The following LIMA1 variants were observed in gnomAD, a reference collection of about 807,000 sequenced individuals.
LIMA1 encodes the protein LIM domain and actin-binding protein 1.
A neutral mutation model predicts 62.6 loss-of-function variants in LIMA1; 52 were observed. The observed-to-expected ratio is 0.83, with a 90% CI of 0.67 to 1.05. The LOEUF is 1.05. Among genes scored for constraint, LIMA1 ranks in the 50% least tolerant of loss-of-function variants. The pLI is 0.00. For synonymous variants in LIMA1, 302 were observed against 317.8 expected (o/e 0.95, Z 0.53); for missense variants, 780 against 902.2 (o/e 0.86, Z 1.74).
intron 2 of LIMA1, among the ~76,000 whole-genome samples, chr12:50,241,933 A>ATTTTTTTTTTTTTTTTTTTTTTTTTTT (rs577308413): frequency 5.5e-5 from 2 of 36,434 alleles, no homozygotes; most frequent in Non-Finnish European, 9.9e-5. Flanking sequence ...TCCTTCCCAG[A>ATTTTTTTTTTTTTTTTTTTTTTTTTTT]TTTTTTTTTT....
chr12:50,208,233 C>T (rs1338890474), intron 4 of LIMA1, among the ~76,000 whole-genome samples: 16 of 152,164 alleles, frequency 1.1e-4, no homozygotes, highest in Non-Finnish European at 1.6e-4. Context: ...CGCCTGTAAT[C>T]CCAGCACTTT....
chr12:50,281,795 G>A lies in LIMA1; in HGVS notation c.-24+1625C>T, dbSNP rs986204635. Among the ~76,000 whole-genome samples, 5 of 152,100 alleles carry A rather than the reference G, an allele frequency of 3.3e-5. 1 individual carries two copies. Among genetic ancestry groups the A allele is most frequent in the African/African-American group, 1.2e-4 (5 of 41,424 alleles). ...ATTACTCAGAGGTTTTTGTTTTTAA[G>A]GAAAAGCAGAAGAGAGAATTAAAAA... On this transcript the variant is annotated intron_variant, in intron 1 of 10. Coordinates refer to ENST00000341247, the MANE Select transcript of LIMA1 (RefSeq NM_016357.5).
chr12:50,213,057 G>C (rs1941285690), intron 4 of LIMA1, among the ~76,000 whole-genome samples: 1 of 151,900 alleles, frequency 6.6e-6, no homozygotes, highest in South Asian at 2.1e-4. Context: ...TCAAGTGCTG[G>C]GATTACAAGT....
intron 1 of LIMA1, among the ~76,000 whole-genome samples, chr12:50,263,012 T>G (rs1177949538): frequency 6.6e-6 from 1 of 152,200 alleles, no homozygotes; most frequent in Non-Finnish European, 1.5e-5. Flanking sequence ...ACTGCACTGA[T>G]TAATTCAATC....
chr12:50,203,609 C>T (rs1592516279), intron 6 of LIMA1, among the ~76,000 whole-genome samples: 1 of 152,028 alleles, frequency 6.6e-6, no homozygotes, highest in Non-Finnish European at 1.5e-5. Flanking sequence ...GATGGGGTTT[C>T]ACCACGTTAG....
intron 4 of LIMA1, among the ~76,000 whole-genome samples, chr12:50,218,529 C>T (rs1206235926): frequency 6.6e-6 from 1 of 152,178 alleles, no homozygotes; most frequent in Non-Finnish European, 1.5e-5. Flanking sequence ...CAAATGTAAA[C>T]ACTTCCCATG....
intron 1 of LIMA1, among the ~76,000 whole-genome samples, chr12:50,273,197 C>A (rs1485769283): frequency 6.6e-6 from 1 of 151,906 alleles, no homozygotes; most frequent in Admixed American, 6.6e-5. Flanking sequence ...TCAAGTGATC[C>A]GCCAGCCTTG....
rs754174575 is a variant in LIMA1, at chr12:50,222,411, C to A, written c.240G>T (p.Gly80=). Residue 80 remains glycine (G), a synonymous_variant, in exon 4 of 11, where the codon GGG becomes GGT. Coordinates refer to ENST00000341247, the MANE Select transcript of LIMA1 (RefSeq NM_016357.5). The part of the protein sequence containing the change: ...TVLKKKWENP[G]LGAESHTDSL... ...AGTCTGTGTGAGACTCTGCTCCCAG[C>A]CCTGGGTTCTCCCACTTCTTCTTTA... 6.2e-7 allele frequency: 1 copy of A among 1,614,158 alleles called. No individual in the cohort carries two copies. The highest frequency in any genetic ancestry group is 8.5e-7 in the Non-Finnish European group (1 of 1,180,028).
At chr12:50,206,852 C>T (rs759450587) in intron 4 of LIMA1, among the ~76,000 whole-genome samples, 1 of 152,162 alleles carries the variant, frequency 6.6e-6, no homozygotes, top group Non-Finnish European at 1.5e-5. Context: ...CTCTACTGCA[C>T]TGTAAGCTCA....
At chr12:50,193,838 G>C (rs1266793341) in intron 8 of LIMA1, among the ~76,000 whole-genome samples, 1 of 147,228 alleles carries the variant, frequency 6.8e-6, no homozygotes, top group African/African-American at 2.5e-5. Context: ...CTAAGTTTTG[G>C]TACTTTTGGT....
rs766222557 is a variant in LIMA1 at position 50,177,383 on chromosome 12, T to C, written c.1961A>G (p.Gln654Arg). The change falls in exon 11 of 11, where the codon CAA (glutamine) becomes CGA (arginine). Residue 654 changes from glutamine to arginine, a missense_variant. Transcript: ENST00000341247. ...TGTCTCTCCTTTAGATTCTTTGTTT[T>C]GCCAGGTTGTTTTTCCCACATTCCC... is the stretch of plus-strand genomic sequence containing the variant. The part of the protein sequence containing the change: ...KNGNVGKTTW[Q>R]NKESKGETGK... The C allele has an allele frequency of 4.3e-6, 7 of 1,614,236 alleles. No individual in the cohort carries two copies. In the South Asian group the frequency reaches 7.7e-5, roughly 18 times the overall value.
rs1456062048 is a variant in LIMA1, at chr12:50,213,482, T to C, written c.631-7414A>G. ...ACTTCTCTGACCTCATCTAATCGCATCTGTAAAATTGGGATTGTAAAGTTC... is the reference window on the plus strand; with the variant it reads ...ACTTCTCTGACCTCATCTAATCGCACCTGTAAAATTGGGATTGTAAAGTTC... On this transcript the variant is annotated intron_variant, in intron 4 of 10. Coordinates refer to ENST00000341247, the MANE Select transcript of LIMA1 (RefSeq NM_016357.5). Among the ~76,000 whole-genome samples the C allele has an allele frequency of 2.0e-5, 3 of 152,382 alleles. No homozygotes were observed. The East Asian group carries it at 5.8e-4, about 29-fold the overall frequency.
chr12:50,199,815 A>C (rs1362471522), intron 7 of LIMA1, among the ~76,000 whole-genome samples: 1 of 152,148 alleles, frequency 6.6e-6, no homozygotes, highest in African/African-American at 2.4e-5. Flanking sequence ...CTCTAATCAA[A>C]TATATTTTTA....
At chr12:50,220,403 C>T (rs1941421107) in intron 4 of LIMA1, 1 of 152,132 alleles carries the variant, frequency 6.6e-6, no homozygotes, top group South Asian at 2.1e-4. Flanking sequence ...TCCAAGCAGC[C>T]TTAGGGAGAT....
chr12:50,195,562 T>C (rs1017979956), intron 8 of LIMA1: 30 of 321,508 alleles, frequency 9.3e-5, no homozygotes, highest in Non-Finnish European at 1.6e-4. Flanking sequence ...GCTTCAATTC[T>C]GAAAGGGTTT....
At chr12:50,195,806 C>A (rs1474531571) in intron 8 of LIMA1, 24 bp downstream of exon 8, 1 of 1,590,500 alleles carries the variant, frequency 6.3e-7, no homozygotes, top group East Asian at 2.2e-5. Context: ...ACCTCATCCT[C>A]CAGATCTAAG....
At chr12:50,204,393 A>C in intron 6 of LIMA1, 159 bp downstream of exon 6, 1 of 784,646 alleles carries the variant, frequency 1.3e-6, no homozygotes, top group Non-Finnish European at 1.9e-6. Context: ...CATGGTAAGA[A>C]CTGCAAATCC....
chr12:50,244,881 G>A (rs982216777), intron 2 of LIMA1, among the ~76,000 whole-genome samples: 1 of 152,100 alleles, frequency 6.6e-6, no homozygotes, highest in Non-Finnish European at 1.5e-5. Context: ...GACTGAGCTG[G>A]GCAAGGAAGA....
intron 6 of LIMA1, 53 bp downstream of exon 6, chr12:50,204,499 C>T (rs1941114405): frequency 6.4e-7 from 1 of 1,571,842 alleles, no homozygotes; most frequent in East Asian, 2.3e-5. Context: ...TACTCAGTGA[C>T]CATCTGCTGG....
Sources: allele counts gnomAD v4.1 joint callset (sites outside exome capture counted in the v4.1 genomes callset), GRCh38; gene constraint gnomAD v4.1.1; transcripts MANE v1.5; gene names NCBI Gene and HGNC (gene_info 2026-07-23, HGNC 2026-07-21).